The following DPP10 variants were observed in gnomAD, a reference collection of about 807,000 sequenced individuals.
The protein encoded by DPP10 is inactive dipeptidyl peptidase 10.
A neutral mutation model predicts 120.9 loss-of-function variants in DPP10; 33 were observed. The observed-to-expected ratio is 0.27, with a 90% CI of 0.21 to 0.37. The LOEUF is 0.37. Ranked by LOEUF, DPP10 falls within the 10% of genes least tolerant of loss-of-function variation. The pLI is 1.00. For missense variants in DPP10, 816 were observed against 942.8 expected, an observed-to-expected ratio of 0.87 and a Z score of 1.76; for synonymous variants, 337 against 326.1, an observed-to-expected ratio of 1.03 and a Z score of -0.36.
chr2:115,486,390 G>A (rs1558739682), intron 3 of DPP10, among the ~76,000 whole-genome samples: 3 of 152,144 alleles, frequency 2.0e-5, no homozygotes, highest in Non-Finnish European at 4.4e-5. Flanking sequence ...ATTGGACAAT[G>A]TCAACAATGC....
intron 5 of DPP10, among the ~76,000 whole-genome samples, chr2:115,616,981 C>G (rs981442392): frequency 7.9e-5 from 12 of 151,810 alleles, no homozygotes; most frequent in African/African-American, 2.7e-4. Flanking sequence ...ACTCACTTAC[C>G]CTCACTAGAA....
intron 1 of DPP10, among the ~76,000 whole-genome samples, chr2:115,157,553 G>T (rs2104937287): frequency 6.6e-6 from 1 of 152,222 alleles, no homozygotes; most frequent in South Asian, 2.1e-4. Context: ...TACTTTAAAA[G>T]TAAATTCCTG....
At chr2:115,232,252 C>A (rs1440251627) in intron 1 of DPP10, among the ~76,000 whole-genome samples, 2 of 151,904 alleles carry the variant, frequency 1.3e-5, no homozygotes. Context: ...AGTGTGATTT[C>A]TGTTCTCAGA....
At chr2:115,468,342 C>G in intron 3 of DPP10, 1 of 513,648 alleles carries the variant, frequency 1.9e-6, no homozygotes. Context: ...TGGAGCAACT[C>G]CAATTGCTGG....
intron 2 of DPP10, among the ~76,000 whole-genome samples, chr2:115,342,948 C>G (rs867474719): frequency 1.5e-4 from 23 of 152,126 alleles, no homozygotes; most frequent in African/African-American, 5.6e-4. Flanking sequence ...TGAACCTTTT[C>G]AGAATAAAAT....
chr2:114,979,649 G>A (rs1180760122), intron 1 of DPP10, among the ~76,000 whole-genome samples: 2 of 152,074 alleles, frequency 1.3e-5, no homozygotes, highest in South Asian at 2.1e-4. Flanking sequence ...AATCTTGAAA[G>A]CAAATCACCA....
intron 5 of DPP10, among the ~76,000 whole-genome samples, chr2:115,554,512 CAAAT>C (rs2149018628): frequency 6.6e-6 from 1 of 152,066 alleles, no homozygotes; most frequent in East Asian, 1.9e-4. Flanking sequence ...TTCATTAAAT[CAAAT>C]AAATCATTAA....
chr2:115,683,359 G>A (rs2090779559), intron 5 of DPP10, among the ~76,000 whole-genome samples: 1 of 152,034 alleles, frequency 6.6e-6, no homozygotes, highest in East Asian at 1.9e-4. Context: ...GGATGAACTC[G>A]TGGAACACAC....
intron 17 of DPP10, among the ~76,000 whole-genome samples, chr2:115,787,955 A>G (rs1005155285): frequency 3.9e-5 from 6 of 152,178 alleles, no homozygotes; most frequent in Non-Finnish European, 8.8e-5. Context: ...ACCAAACTGA[A>G]CTAAACAAAA....
At chr2:115,347,403 A>T (rs564142020) in intron 3 of DPP10, among the ~76,000 whole-genome samples, 7 of 152,260 alleles carry the variant, frequency 4.6e-5, no homozygotes, top group Admixed American at 2.0e-4. Flanking sequence ...TCCTTGTGAC[A>T]GCTCCTACAC....
At chr2:114,582,231 A>T (rs1690589587) in intron 1 of DPP10, among the ~76,000 whole-genome samples, 1 of 152,174 alleles carries the variant, frequency 6.6e-6, no homozygotes, top group Non-Finnish European at 1.5e-5. Context: ...TCACTTAGAA[A>T]TATGCATTTC....
intron 9 of DPP10, among the ~76,000 whole-genome samples, chr2:115,743,071 G>A (rs1192694122): frequency 6.6e-6 from 1 of 151,412 alleles, no homozygotes; most frequent in African/African-American, 2.4e-5. Flanking sequence ...TGTTATTGAG[G>A]CTTGTGTTTC....
intron 3 of DPP10, among the ~76,000 whole-genome samples, chr2:115,383,883 A>T (rs1419218462): frequency 2.0e-5 from 3 of 152,220 alleles, no homozygotes; most frequent in Non-Finnish European, 4.4e-5. Flanking sequence ...ATGTAGAGCT[A>T]CTTTGCTGAA....
At chr2:115,192,418 T>TA (rs2054948420) in intron 1 of DPP10, among the ~76,000 whole-genome samples, 1 of 152,244 alleles carries the variant, frequency 6.6e-6, no homozygotes, top group African/African-American at 2.4e-5. Flanking sequence ...GGCCAGGGTA[T>TA]AAATCTCTAT....
intron 1 of DPP10, among the ~76,000 whole-genome samples, chr2:114,756,537 A>C (rs759667518): frequency 2.6e-5 from 4 of 152,232 alleles, no homozygotes; most frequent in Non-Finnish European, 5.9e-5. Context: ...AACAATTAAA[A>C]GTAATTTCAC....
chr2:115,393,329 A>G (rs968102828), intron 3 of DPP10, among the ~76,000 whole-genome samples: 2 of 151,956 alleles, frequency 1.3e-5, no homozygotes, highest in Admixed American at 1.3e-4. Context: ...AAAAAAATCT[A>G]TATGTGAATA....
chr2:115,333,591 C>T (rs555273545), intron 2 of DPP10, among the ~76,000 whole-genome samples: 171 of 152,142 alleles, frequency 1.1e-3, no homozygotes, highest in African/African-American at 3.9e-3. Context: ...TTAGTGCTTC[C>T]TTCAGGAGCT....
chr2:115,556,365 T>TG (rs70941072), intron 5 of DPP10, among the ~76,000 whole-genome samples: 1 of 13,824 alleles, frequency 7.2e-5, no homozygotes, highest in Admixed American at 2.5e-3. Context: ...TTTTGGCAGG[T>TG]TTTTTTTTTT....
At chr2:115,755,004 A>C (rs983888301) in intron 11 of DPP10, among the ~76,000 whole-genome samples, 4 of 152,106 alleles carry the variant, frequency 2.6e-5, no homozygotes, top group Non-Finnish European at 5.9e-5. Context: ...TGTGCAGTTA[A>C]ATGAGTTTTG....
Sources: gnomAD v4.1 joint callset for allele counts (sites outside exome capture counted in the v4.1 genomes callset) on GRCh38, gnomAD v4.1.1 for gene constraint, MANE v1.5 for transcripts, NCBI Gene and HGNC (gene_info 2026-07-23, HGNC 2026-07-21) for gene names.